SLC16A12: variants seen among roughly 807,000 people sequenced by gnomAD.
SLC16A12 encodes the protein monocarboxylate transporter 12.
Under a neutral mutation model 42.4 loss-of-function variants are expected in SLC16A12, and 17 were observed. The ratio of observed to expected loss-of-function variants is 0.40; its 90% confidence interval spans 0.27 to 0.60. The LOEUF is 0.60. SLC16A12 is among the 20% of genes least tolerant of loss of function. SLC16A12 has a pLI of 0.42. For synonymous variants in SLC16A12, 224 were observed against 229.4 expected (o/e 0.98, Z 0.21); for missense variants, 544 against 623.0 (o/e 0.87, Z 1.35).
chr10:89,535,942 C>T (rs1347823638), upstream of SLC16A12, among the ~76,000 whole-genome samples: 2 of 152,266 alleles, frequency 1.3e-5, no homozygotes. Context: ...CATTCAGCCC[C>T]GCCAGCTCCG....
intron 2 of SLC16A12, among the ~76,000 whole-genome samples, chr10:89,508,434 T>C (rs918259443): frequency 6.6e-6 from 1 of 152,074 alleles, no homozygotes; most frequent in African/African-American, 2.4e-5. Flanking sequence ...CACTCAAAAC[T>C]GCACAGCTAC....
chr10:89,553,806 C>T (rs1035240186), intron 2 of SLC16A12, among the ~76,000 whole-genome samples: 10 of 151,668 alleles, frequency 6.6e-5, no homozygotes, highest in African/African-American at 2.4e-4. Flanking sequence ...CCAGCCTGGC[C>T]AACACAGTGA....
At chr10:89,542,457 C>T (rs1449859112) in intron 2 of SLC16A12, among the ~76,000 whole-genome samples, 5 of 151,932 alleles carry the variant, frequency 3.3e-5, no homozygotes, top group Admixed American at 6.6e-5. Flanking sequence ...CATGCACCAC[C>T]ACGTCTGGGT....
At chr10:89,498,079 G>A (rs1311498485) in intron 2 of SLC16A12, among the ~76,000 whole-genome samples, 1 of 152,124 alleles carries the variant, frequency 6.6e-6, no homozygotes, top group Non-Finnish European at 1.5e-5. Flanking sequence ...GAAGGCCAAG[G>A]CAGGCAGAGC....
intron 2 of SLC16A12, among the ~76,000 whole-genome samples, chr10:89,511,420 T>C (rs929302712): frequency 6.6e-6 from 1 of 152,192 alleles, no homozygotes; most frequent in Non-Finnish European, 1.5e-5. Context: ...TGAGTTCATG[T>C]CCTTTGCAGG....
At chr10:89,527,831 G>A (rs556975862) in intron 2 of SLC16A12, among the ~76,000 whole-genome samples, 1 of 148,882 alleles carries the variant, frequency 6.7e-6, no homozygotes, top group Admixed American at 6.7e-5. Context: ...GAGAGAGAGA[G>A]AAAAGAAAAA....
At chr10:89,464,010 G>A (rs1390024382) in intron 2 of SLC16A12, among the ~76,000 whole-genome samples, 3 of 152,092 alleles carry the variant, frequency 2.0e-5, no homozygotes, top group Non-Finnish European at 4.4e-5. Context: ...TCGTAATTAT[G>A]TCACGTTATA....
chr10:89,513,689 G>A (rs1843199602), intron 2 of SLC16A12, among the ~76,000 whole-genome samples: 2 of 152,298 alleles, frequency 1.3e-5, no homozygotes, highest in South Asian at 4.1e-4. Context: ...TTTAGCAAGA[G>A]ACTGATAACA....
At chr10:89,449,816 C>G (rs182158870) in intron 3 of SLC16A12, among the ~76,000 whole-genome samples, 8 of 152,300 alleles carry the variant, frequency 5.3e-5, no homozygotes, top group Non-Finnish European at 8.8e-5. Context: ...TCAGAGTGAA[C>G]AGGCAACCTG....
chr10:89,448,998 C>T (rs148145291), intron 3 of SLC16A12, among the ~76,000 whole-genome samples: 9,149 of 152,126 alleles, frequency 0.06, 557 homozygotes, highest in African/African-American at 0.16. Flanking sequence ...GAGTGAACTC[C>T]GATTCACAAT....
At chr10:89,500,736 C>T (rs1036918856) in intron 2 of SLC16A12, among the ~76,000 whole-genome samples, 2 of 152,134 alleles carry the variant, frequency 1.3e-5, no homozygotes, top group Admixed American at 1.3e-4. Flanking sequence ...AGAACTGGAA[C>T]AAGGATGTCC....
intron 2 of SLC16A12, among the ~76,000 whole-genome samples, chr10:89,554,139 G>T (rs1199296400): frequency 6.9e-6 from 1 of 145,704 alleles, no homozygotes; most frequent in Admixed American, 6.8e-5. Context: ...AAGGAAGGAA[G>T]GAAGGAAAGA....
intron 2 of SLC16A12, among the ~76,000 whole-genome samples, chr10:89,487,972 A>G (rs374615858): frequency 0.3 from 30,248 of 101,752 alleles, 4,010 homozygotes; most frequent in Non-Finnish European, 0.37. Context: ...GTGTATATAT[A>G]TATATATATA....
intron 2 of SLC16A12, among the ~76,000 whole-genome samples, chr10:89,552,581 G>A (rs920545266): frequency 6.6e-6 from 1 of 152,188 alleles, no homozygotes; most frequent in Non-Finnish European, 1.5e-5. Context: ...TGTGGATGAT[G>A]AGAATTAGCT....
At position 89,430,388 on chromosome 10, in the gene SLC16A12, C is replaced by A; in HGVS notation, c.*2676G>T. 1.4e-5 allele frequency: 3 copies of A among 216,210 alleles called. No homozygotes were observed. The highest frequency in any genetic ancestry group is 2.8e-5 in the Non-Finnish European group (3 of 106,310). The allele number at this position is 216,210 out of a possible 1,614,324, so 13.4% of individuals were successfully genotyped here. ...TCTATTAATGAAATTACAATCTGAA[C>A]AAAAAGCCCAATCATACAGTGTATC... On this transcript the variant is annotated 3_prime_UTR_variant, in exon 8 of 8. Coordinates refer to ENST00000371790, the MANE Select transcript of SLC16A12 (RefSeq NM_213606.4).
chr10:89,531,544 T>A lies in SLC16A12; in HGVS notation c.-47+2957A>T, dbSNP rs1047872818. Among the ~76,000 whole-genome samples, 74 of 151,932 alleles carry A rather than the reference T, an allele frequency of 4.9e-4. 1 individual carries two copies. Among genetic ancestry groups the A allele is most frequent in the African/African-American group, 1.6e-3 (68 of 41,444 alleles). ...TAGCTATTTCCCACAGCGGTCTCTG[T>A]GTCTGAGCAACCACCAGGATGTGGT... On this transcript the variant is annotated intron_variant, in intron 2 of 7. Transcript: ENST00000371790.
intron 2 of SLC16A12, among the ~76,000 whole-genome samples, chr10:89,507,927 T>A (rs1843092235): frequency 6.6e-6 from 1 of 152,112 alleles, no homozygotes; most frequent in Admixed American, 6.5e-5. Flanking sequence ...GGGTTTGCAA[T>A]CCTAGTCTCT....
At chr10:89,462,824 A>G in intron 2 of SLC16A12, 200 bp from the exon 3 acceptor site, 1 of 528,978 alleles carries the variant, frequency 1.9e-6, no homozygotes, top group Non-Finnish European at 3.1e-6. Flanking sequence ...CTCAAATTGT[A>G]GTCAAATGCA....
At chr10:89,545,206 C>G (rs1843735984) in intron 2 of SLC16A12, among the ~76,000 whole-genome samples, 1 of 152,188 alleles carries the variant, frequency 6.6e-6, no homozygotes, top group Non-Finnish European at 1.5e-5. Flanking sequence ...CAGCTGAGAT[C>G]AGCAGAACCA....
Sources: allele counts gnomAD v4.1 joint callset (sites outside exome capture counted in the v4.1 genomes callset), GRCh38; gene constraint gnomAD v4.1.1; transcripts MANE v1.5; gene names NCBI Gene and HGNC (gene_info 2026-07-23, HGNC 2026-07-21).